LRRC8D: variants seen among roughly 807,000 people sequenced by gnomAD.
LRRC8D encodes the protein leucine rich repeat containing 8 VRAC subunit D.
Under a neutral mutation model 55.8 loss-of-function variants are expected in LRRC8D, and 20 were observed. The observed-to-expected ratio is 0.36, with a 90% CI of 0.25 to 0.52. The LOEUF is 0.52. LRRC8D is among the 20% of genes least tolerant of loss of function. LRRC8D has a pLI of 0.93. For missense variants in LRRC8D, 651 were observed against 1,030.8 expected, an observed-to-expected ratio of 0.63 and a Z score of 5.05; for synonymous variants, 352 against 377.0, an observed-to-expected ratio of 0.93 and a Z score of 0.77.
rs566061566 is a variant in LRRC8D at position 89,851,344 on chromosome 1, A to G, written c.-3+7562A>G. 2.2e-3 allele frequency among the ~76,000 whole-genome samples: 338 copies of G among 152,220 alleles called. 2 individuals carry two copies. Among genetic ancestry groups the G allele is most frequent in the African/African-American group, 7.6e-3 (315 of 41,528 alleles). On this transcript the variant is annotated intron_variant, in intron 2 of 2. Coordinates refer to ENST00000337338, the MANE Select transcript of LRRC8D (RefSeq NM_001134479.2). Reference sequence around the variant, plus strand: ...TTATTGGGACAACTTTGTCAGTTTCAGCTTGATTTTCTCCAAGTTTACTTT... The same window carrying G: ...TTATTGGGACAACTTTGTCAGTTTCGGCTTGATTTTCTCCAAGTTTACTTT...
intron 2 of LRRC8D, among the ~76,000 whole-genome samples, chr1:89,926,418 A>G (rs1392882061): frequency 1.3e-5 from 2 of 152,242 alleles, no homozygotes; most frequent in African/African-American, 4.8e-5. Context: ...ATTCCCCTCC[A>G]TGGTGCTTGG....
intron 2 of LRRC8D, among the ~76,000 whole-genome samples, chr1:89,885,264 A>G (rs1208771195): frequency 6.6e-6 from 1 of 152,212 alleles, no homozygotes; most frequent in East Asian, 1.9e-4. Context: ...GAATGAACTC[A>G]GTTCTCCTCA....
intron 1 of LRRC8D, among the ~76,000 whole-genome samples, chr1:89,832,389 C>T (rs939743611): frequency 1.4e-4 from 21 of 152,210 alleles, no homozygotes; most frequent in African/African-American, 5.1e-4. Flanking sequence ...GTCTTTTCAT[C>T]ATCTGCAGGT....
intron 2 of LRRC8D, among the ~76,000 whole-genome samples, chr1:89,918,294 G>A (rs919597477): frequency 6.6e-5 from 10 of 152,188 alleles, no homozygotes; most frequent in African/African-American, 2.4e-4. Context: ...ATAATAACCA[G>A]CAGCTGTTAC....
chr1:89,848,214 C>G (rs1233129709), intron 2 of LRRC8D, among the ~76,000 whole-genome samples: 3 of 152,104 alleles, frequency 2.0e-5, no homozygotes, highest in Non-Finnish European at 4.4e-5. Context: ...GAGCATTTTC[C>G]CTACAATACT....
chr1:89,871,357 A>G (rs1311253860), intron 2 of LRRC8D, among the ~76,000 whole-genome samples: 3 of 152,242 alleles, frequency 2.0e-5, no homozygotes, highest in Non-Finnish European at 4.4e-5. Flanking sequence ...TTGGAGACTC[A>G]TTAATGATTA....
In LRRC8D at chr1:89,869,073, A is replaced by T. The variant is rs187282624; in HGVS notation, c.-3+25291A>T. The stretch of plus-strand genomic sequence containing the variant: ...ACACGCATGCCACCATGCCCGGCTA[A>T]TTTTTGTACTTTTAGCAGAGATGGG... On this transcript the variant is annotated intron_variant, in intron 2 of 2. Coordinates refer to ENST00000337338, the MANE Select transcript of LRRC8D (RefSeq NM_001134479.2). Among the ~76,000 whole-genome samples the T allele has an allele frequency of 3.0e-3, 462 of 152,134 alleles. 3 individuals are homozygous for T. Among genetic ancestry groups the T allele is most frequent in the African/African-American group, 0.011 (452 of 41,500 alleles).
intron 2 of LRRC8D, among the ~76,000 whole-genome samples, chr1:89,875,794 T>G (rs1030488381): frequency 2.2e-4 from 34 of 152,248 alleles, no homozygotes; most frequent in Admixed American, 2.2e-3. Context: ...TTATTTTATT[T>G]GATTTTCACA....
chr1:89,868,674 T>G (rs1661916330), intron 2 of LRRC8D, among the ~76,000 whole-genome samples: 2 of 152,214 alleles, frequency 1.3e-5, no homozygotes, highest in East Asian at 3.9e-4. Context: ...GATCCTACTC[T>G]TATTCCTGTA....
At chr1:89,879,894 A>G (rs541528388) in intron 2 of LRRC8D, among the ~76,000 whole-genome samples, 1 of 152,272 alleles carries the variant, frequency 6.6e-6, no homozygotes, top group East Asian at 1.9e-4. Context: ...TAGAATATAA[A>G]TGAAACTATG....
chr1:89,855,914 A>C (rs1000151720), intron 2 of LRRC8D, among the ~76,000 whole-genome samples: 19 of 152,288 alleles, frequency 1.2e-4, no homozygotes, highest in Admixed American at 1.2e-3. Flanking sequence ...CACAATGGGA[A>C]ATTTTTAGTC....
chr1:89,830,886 A>G (rs1398065190), intron 1 of LRRC8D, among the ~76,000 whole-genome samples: 2 of 151,980 alleles, frequency 1.3e-5, no homozygotes, highest in African/African-American at 4.8e-5. Context: ...TAGGGTTTGA[A>G]TAAAAAGCAC....
At chr1:89,890,944 C>T (rs994171961) in intron 2 of LRRC8D, among the ~76,000 whole-genome samples, 1 of 151,984 alleles carries the variant, frequency 6.6e-6, no homozygotes, top group Non-Finnish European at 1.5e-5. Context: ...TGCAGTGGGG[C>T]GATTTCGGCA....
intron 2 of LRRC8D, among the ~76,000 whole-genome samples, chr1:89,857,328 GCTGAGATCACACCATTGCATTCCAGC>G: frequency 6.9e-6 from 1 of 145,462 alleles, no homozygotes; most frequent in Admixed American, 7.1e-5. Context: ...GTTGCGGTGA[GCTGAGATCACACCATTGCATTCCAGC>G]CTGGGCAACA....
intron 2 of LRRC8D, among the ~76,000 whole-genome samples, chr1:89,882,335 TC>T (rs978011444): frequency 2.0e-5 from 3 of 152,262 alleles, no homozygotes; most frequent in Admixed American, 2.0e-4. Flanking sequence ...TTCATTTGTT[TC>T]ATTAGCTTTG....
intron 2 of LRRC8D, among the ~76,000 whole-genome samples, chr1:89,874,393 G>A (rs766880716): frequency 1.8e-4 from 28 of 151,734 alleles, no homozygotes; most frequent in Non-Finnish European, 3.2e-4. Context: ...CTATGACCTC[G>A]AAGTGTGAAT....
At chr1:89,856,388 A>G (rs1661554163) in intron 2 of LRRC8D, among the ~76,000 whole-genome samples, 2 of 152,128 alleles carry the variant, frequency 1.3e-5, no homozygotes, top group South Asian at 2.1e-4. Context: ...ATATTTCTCT[A>G]TTTCCAGAAA....
intron 2 of LRRC8D, among the ~76,000 whole-genome samples, chr1:89,887,977 A>G (rs1662466673): frequency 1.3e-5 from 2 of 152,232 alleles, no homozygotes; most frequent in Admixed American, 6.5e-5. Context: ...AACAGAAAAG[A>G]TGTAAAAAGG....
chr1:89,933,342 G>A lies in LRRC8D; in HGVS notation c.274G>A (p.Gly92Arg). The A allele has an allele frequency of 6.2e-7, 1 of 1,614,116 alleles. No homozygotes were observed. ...AGCAGCCACCAACCAAGACCAAGAT[G>A]GGCGGACAACAAACGACATTTCCTT... Reference protein sequence around the residue: ...MEAATNQDQDGRTTNDISFGT... With the variant: ...MEAATNQDQDRRTTNDISFGT... Residue 92 changes from glycine to arginine, a missense_variant, in exon 3 of 3, where the codon GGG becomes AGG. By Grantham distance (125) the Gly-to-Arg change is moderately radical. This residue lies in a region of LRRC8D where 118 missense variants were observed against 138.0 expected (regional missense o/e 0.85). Coordinates refer to ENST00000337338, the MANE Select transcript of LRRC8D (RefSeq NM_001134479.2). The surrounding 1 kb of genome is among the most constrained non-coding windows in gnomAD (Gnocchi z 7.0).
Sources: gnomAD v4.1 joint callset for allele counts (sites outside exome capture counted in the v4.1 genomes callset) on GRCh38, gnomAD v4.1.1 for gene constraint, gnomAD v4.1.1 regional missense constraint, Gnocchi (gnomAD v3.1) non-coding constraint, MANE v1.5 for transcripts, NCBI Gene and HGNC (gene_info 2026-07-23, HGNC 2026-07-21) for gene names.